Variants in CHIC1 observed in about 807,000 individuals in gnomAD.
CHIC1 encodes cysteine rich hydrophobic domain 1, also known as cysteine-rich hydrophobic domain-containing protein 1.
A neutral mutation model predicts 18.5 loss-of-function variants in CHIC1; 7 were observed. That is an observed-to-expected ratio of 0.38 (90% CI 0.22 to 0.71). The LOEUF is 0.71. Ranked by LOEUF, CHIC1 falls within the 30% of genes least tolerant of loss-of-function variation. The probability of loss-of-function intolerance (pLI) is 0.49; values close to 1 mark genes in which losing one functional copy is unlikely to be tolerated. For synonymous variants in CHIC1, 77 were observed against 73.5 expected, an observed-to-expected ratio of 1.05 and a Z score of -0.25; for missense variants, 159 against 176.9, an observed-to-expected ratio of 0.90 and a Z score of 0.57.
At position 73,601,594 on chromosome X, in the gene CHIC1, C is replaced by A. The variant is rs1220838180; in HGVS notation, c.507+17022C>A. Among the ~76,000 whole-genome samples, 3 of 104,097 alleles carry A rather than the reference C, an allele frequency of 2.9e-5. No homozygotes were observed. The Admixed American group carries it at 3.1e-4, about 11-fold the overall frequency. The allele number at this position is 104,097 out of a possible 115,157, so 90.4% of individuals were successfully genotyped here. The stretch of plus-strand genomic sequence containing the variant: ...AGGGAAATTTATAGCACTAAATGCC[C>A]ACAAGAGAAAGCAGGAAAGATCCAA... On this transcript the variant is annotated intron_variant, in intron 3 of 5. Coordinates refer to ENST00000373502, the MANE Select transcript of CHIC1 (RefSeq NM_001039840.4).
In CHIC1 at chrX:73,605,081, C is replaced by T. The variant is rs956451011; in HGVS notation, c.507+20509C>T. Reference sequence around the variant, plus strand: ...TTAATTTTCTGTCTCGTTGATTTGTCTAATATTGACAGTGGGGTGTTAAAG... The same window carrying T: ...TTAATTTTCTGTCTCGTTGATTTGTTTAATATTGACAGTGGGGTGTTAAAG... On this transcript the variant is annotated intron_variant, in intron 3 of 5. Transcript: ENST00000373502. 3.2e-4 allele frequency among the ~76,000 whole-genome samples: 35 copies of T among 107,774 alleles called. 4 individuals carry two copies. The highest frequency in any genetic ancestry group is 1.2e-3 in the African/African-American group (33 of 27,620). The allele number at this position is 107,774 out of a possible 115,157, so 93.6% of individuals were successfully genotyped here. A position where few individuals can be genotyped will look rare whatever the true frequency, so the allele number is the denominator to read the frequency against.
At chrX:73,585,740 A>G (rs972755770) in intron 3 of CHIC1, among the ~76,000 whole-genome samples, 4 of 111,301 alleles carry the variant, frequency 3.6e-5, no homozygotes, top group Non-Finnish European at 7.6e-5. Context: ...ATCCAGGACT[A>G]TCCCTTTTTC....
intron 3 of CHIC1, among the ~76,000 whole-genome samples, chrX:73,610,177 C>T (rs1196561966): frequency 9.2e-6 from 1 of 109,095 alleles, no homozygotes; most frequent in Non-Finnish European, 1.9e-5. Context: ...ACAAAATGGC[C>T]TCCATTTCCA....
chrX:73,568,479 A>C (rs766275109), intron 1 of CHIC1, among the ~76,000 whole-genome samples: 2 of 111,707 alleles, frequency 1.8e-5, no homozygotes, highest in East Asian at 5.6e-4. Context: ...AAGAGAAATA[A>C]TGAAATGTCT....
At chrX:73,675,152 C>CAATT (rs2058054904) in intron 3 of CHIC1, among the ~76,000 whole-genome samples, 2 of 109,632 alleles carry the variant, frequency 1.8e-5, no homozygotes, top group Non-Finnish European at 1.9e-5. Flanking sequence ...GCTTTACTTC[C>CAATT]GTGTGGTCAG....
In CHIC1 at chrX:73,665,166, G is replaced by T. The variant is rs750934013; in HGVS notation, c.508-14160G>T. Among the ~76,000 whole-genome samples, 4 of 110,963 alleles carry T rather than the reference G, an allele frequency of 3.6e-5. No individual in the cohort carries two copies. In the South Asian group the frequency reaches 1.6e-3, roughly 43 times the overall value. On this transcript the variant is annotated intron_variant, in intron 3 of 5. Transcript: ENST00000373502. The stretch of plus-strand genomic sequence containing the variant: ...TCTTTTTTCCAATTTATTGGAGGAC[G>T]GGGCTCAGGCAAAACCTCCGTTTCC...
chrX:73,655,228 C>A (rs2057935967), intron 3 of CHIC1, among the ~76,000 whole-genome samples: 1 of 108,307 alleles, frequency 9.2e-6, no homozygotes, highest in South Asian at 4.0e-4. Context: ...TCAAAGGATA[C>A]AATCGCATTC....
chrX:73,577,331 A>G, intron 1 of CHIC1, 76 bp from the exon 2 acceptor site: 1 of 832,970 alleles, frequency 1.2e-6, no homozygotes, highest in Non-Finnish European at 1.7e-6. Context: ...GCATGGGTTT[A>G]TAACTTTTTT....
chrX:73,613,254 T>C (rs1319145482), intron 3 of CHIC1, among the ~76,000 whole-genome samples: 1 of 111,770 alleles, frequency 8.9e-6, no homozygotes, highest in Non-Finnish European at 1.9e-5. Context: ...GATTTCTTTG[T>C]TTCCTCCAAA....
chrX:73,677,250 C>T (rs1214412142), intron 3 of CHIC1, among the ~76,000 whole-genome samples: 1 of 112,121 alleles, frequency 8.9e-6, no homozygotes, highest in Admixed American at 9.4e-5. Context: ...CCACTACTCT[C>T]TTCAAAGCTG....
chrX:73,617,844 G>A (rs2057740060), intron 3 of CHIC1, among the ~76,000 whole-genome samples: 1 of 111,621 alleles, frequency 9.0e-6, no homozygotes, highest in Admixed American at 9.5e-5. Flanking sequence ...ATATCAGAGT[G>A]TTAAAGAAAT....
intron 3 of CHIC1, among the ~76,000 whole-genome samples, chrX:73,670,424 C>T (rs1452213516): frequency 9.0e-6 from 1 of 110,580 alleles, no homozygotes; most frequent in East Asian, 2.8e-4. Flanking sequence ...TCTACTTTAT[C>T]TTTTTAAGAA....
At chrX:73,586,078 A>G (rs181055116) in intron 3 of CHIC1, among the ~76,000 whole-genome samples, 1 of 111,727 alleles carries the variant, frequency 9.0e-6, no homozygotes, top group East Asian at 2.8e-4. Flanking sequence ...TCAGTTTGCC[A>G]ACATTTAAAC....
At chrX:73,606,597 T>C (rs888183497) in intron 3 of CHIC1, among the ~76,000 whole-genome samples, 29 of 108,540 alleles carry the variant, frequency 2.7e-4, no homozygotes, top group Admixed American at 9.7e-5. Flanking sequence ...CTTTTTGCAC[T>C]TGTTTTTTCT....
chrX:73,676,420 T>C (rs2058063304), intron 3 of CHIC1, among the ~76,000 whole-genome samples: 1 of 111,701 alleles, frequency 9.0e-6, no homozygotes, highest in Admixed American at 9.4e-5. Context: ...TTTTGGAGGC[T>C]TTCTTCGTTT....
chrX:73,612,393 T>C (rs955904474), intron 3 of CHIC1, among the ~76,000 whole-genome samples: 1 of 111,907 alleles, frequency 8.9e-6, no homozygotes, highest in Admixed American at 9.5e-5. Context: ...GATGCAGTGT[T>C]AGGTTGTTAT....
At chrX:73,665,859 C>T (rs1379335246) in intron 3 of CHIC1, among the ~76,000 whole-genome samples, 15 of 111,567 alleles carry the variant, frequency 1.3e-4, no homozygotes, top group Non-Finnish European at 2.6e-4. Flanking sequence ...ACAGCCACGG[C>T]CCTGACAAGC....
At chrX:73,600,748 G>A (rs1299334627) in intron 3 of CHIC1, among the ~76,000 whole-genome samples, 1 of 106,987 alleles carries the variant, frequency 9.3e-6, no homozygotes, top group African/African-American at 3.7e-5. Flanking sequence ...GTATTTTATT[G>A]AGGATTTTTG....
intron 2 of CHIC1, among the ~76,000 whole-genome samples, chrX:73,580,995 G>A (rs1435165908): frequency 9.0e-6 from 1 of 111,232 alleles, no homozygotes; most frequent in East Asian, 2.8e-4. Context: ...ATATCGAACA[G>A]ATGTATATAC....
Sources: gnomAD v4.1 joint callset for allele counts (sites outside exome capture counted in the v4.1 genomes callset) on GRCh38, gnomAD v4.1.1 for gene constraint, MANE v1.5 for transcripts, NCBI Gene and HGNC (gene_info 2026-07-23, HGNC 2026-07-21) for gene names.